Variants in TSHZ2 observed in about 807,000 individuals in gnomAD.
TSHZ2 encodes teashirt homolog 2.
A neutral mutation model predicts 74.4 loss-of-function variants in TSHZ2; 21 were observed. The ratio of observed to expected loss-of-function variants is 0.28; its 90% CI spans 0.20 to 0.41. The LOEUF is 0.41. Ranked by LOEUF, TSHZ2 falls within the 10% of genes least tolerant of loss-of-function variation. The pLI is 1.00. For synonymous variants in TSHZ2, 540 were observed against 515.3 expected, an observed-to-expected ratio of 1.05 and a Z score of -0.65; for missense variants, 1,244 against 1,293.5, an observed-to-expected ratio of 0.96 and a Z score of 0.59.
chr20:53,256,080 G>A lies in TSHZ2; in HGVS notation c.2622G>A (p.Leu874=). Residue 874 remains leucine (L), a synonymous_variant, in exon 2 of 3, where the codon CTG becomes CTA. Transcript: ENST00000371497. The surrounding 1 kb of genome is among the most constrained non-coding windows in gnomAD (Gnocchi z 4.3). ...LFQTSEGKYL[L]SDLGPQERMQ... is the part of the protein sequence containing the mutation. ...AGACATCAGAGGGCAAATACCTGCTGTCTGATCTGGGCCCACAAGAGCGTA... is the reference window on the plus strand; with the variant it reads ...AGACATCAGAGGGCAAATACCTGCTATCTGATCTGGGCCCACAAGAGCGTA... 1.2e-6 allele frequency: 2 copies of A among 1,614,156 alleles called. No homozygotes were observed. Among genetic ancestry groups the A allele is most frequent in the Non-Finnish European group, 1.7e-6 (2 of 1,180,000 alleles).
chr20:53,126,941 G>T (rs190353317), intron 1 of TSHZ2, among the ~76,000 whole-genome samples: 1 of 152,004 alleles, frequency 6.6e-6, no homozygotes, highest in South Asian at 2.1e-4. Flanking sequence ...AGGATGTTCT[G>T]TCCGTTCCAT....
At chr20:53,227,079 G>A (rs961272738) in intron 1 of TSHZ2, among the ~76,000 whole-genome samples, 4 of 151,082 alleles carry the variant, frequency 2.6e-5, no homozygotes, top group Admixed American at 6.7e-5. Flanking sequence ...ATCTCACACC[G>A]GCTTATTGAA....
intron 2 of TSHZ2, among the ~76,000 whole-genome samples, chr20:53,430,469 G>A (rs1454493776): frequency 6.6e-6 from 1 of 151,912 alleles, no homozygotes; most frequent in Non-Finnish European, 1.5e-5. Context: ...AATAGAGAGA[G>A]AATACAGGTG....
chr20:52,985,228 C>T (rs1173277008), intron 1 of TSHZ2, among the ~76,000 whole-genome samples: 1 of 152,142 alleles, frequency 6.6e-6, no homozygotes, highest in African/African-American at 2.4e-5. Context: ...TATTTCATCT[C>T]GGTGCGACCT....
At chr20:53,229,179 G>T (rs534748436) in intron 1 of TSHZ2, among the ~76,000 whole-genome samples, 11 of 152,226 alleles carry the variant, frequency 7.2e-5, no homozygotes, top group Admixed American at 1.3e-4. Context: ...GGCTATGAAA[G>T]CTCAGTAAAT....
At chr20:53,327,567 G>A (rs1463208479) in intron 2 of TSHZ2, among the ~76,000 whole-genome samples, 1 of 152,216 alleles carries the variant, frequency 6.6e-6, no homozygotes, top group Admixed American at 6.5e-5. Flanking sequence ...GATGTAACAA[G>A]GGTTATCTTC....
intron 1 of TSHZ2, among the ~76,000 whole-genome samples, chr20:53,040,599 C>T (rs977898659): frequency 2.6e-5 from 4 of 151,776 alleles, no homozygotes; most frequent in Non-Finnish European, 5.9e-5. Flanking sequence ...TCCCTGGCCA[C>T]GTGTTCTTCC....
chr20:53,283,145 TG>T (rs1224065787), intron 2 of TSHZ2, among the ~76,000 whole-genome samples: 1 of 152,200 alleles, frequency 6.6e-6, no homozygotes, highest in South Asian at 2.1e-4. Context: ...AGTAGGATCA[TG>T]GGTCCCCATG....
intron 2 of TSHZ2, among the ~76,000 whole-genome samples, chr20:53,263,641 C>T (rs1312783768): frequency 6.6e-6 from 1 of 152,176 alleles, no homozygotes; most frequent in Non-Finnish European, 1.5e-5. Flanking sequence ...AAACAAAGTA[C>T]ATCAAAGACC....
intron 2 of TSHZ2, among the ~76,000 whole-genome samples, chr20:53,376,992 C>T (rs1981680366): frequency 6.6e-6 from 1 of 152,210 alleles, no homozygotes; most frequent in Non-Finnish European, 1.5e-5. Flanking sequence ...AAATCGGTGG[C>T]CATCTCTCTT....
intron 1 of TSHZ2, among the ~76,000 whole-genome samples, chr20:52,983,123 C>T (rs899425274): frequency 9.2e-5 from 14 of 152,150 alleles, no homozygotes; most frequent in African/African-American, 2.9e-4. Flanking sequence ...GATGACATGG[C>T]GAGGCTGTGG....
At chr20:53,077,093 A>C (rs957295179) in intron 1 of TSHZ2, among the ~76,000 whole-genome samples, 9 of 152,140 alleles carry the variant, frequency 5.9e-5, no homozygotes, top group African/African-American at 2.2e-4. Flanking sequence ...CAAGTCTATG[A>C]GCTTAGCAGA....
intron 1 of TSHZ2, among the ~76,000 whole-genome samples, chr20:53,218,161 T>C (rs1266813013): frequency 6.6e-6 from 1 of 152,228 alleles, no homozygotes; most frequent in Non-Finnish European, 1.5e-5. Flanking sequence ...TGCACTAAAT[T>C]TGTTTTCTAA....
intron 1 of TSHZ2, among the ~76,000 whole-genome samples, chr20:53,003,496 T>A (rs572361835): frequency 1.6e-4 from 24 of 152,258 alleles, no homozygotes; most frequent in African/African-American, 5.8e-4. Context: ...TGTAATCTGG[T>A]AAAATGTGTC....
intron 2 of TSHZ2, among the ~76,000 whole-genome samples, chr20:53,403,956 T>C (rs1982759621): frequency 6.6e-6 from 1 of 152,062 alleles, no homozygotes; most frequent in Admixed American, 6.6e-5. Flanking sequence ...CTGGGATGAG[T>C]CTTTGAGGAA....
At chr20:53,271,807 A>G (rs1461365882) in intron 2 of TSHZ2, among the ~76,000 whole-genome samples, 1 of 152,208 alleles carries the variant, frequency 6.6e-6, no homozygotes, top group Non-Finnish European at 1.5e-5. Context: ...CAGAGAGCCC[A>G]GTTTTGGGGA....
intron 1 of TSHZ2, among the ~76,000 whole-genome samples, chr20:53,066,259 A>C (rs1324692257): frequency 3.4e-5 from 5 of 147,308 alleles, no homozygotes; most frequent in Non-Finnish European, 7.5e-5. Flanking sequence ...CCGACCCCCG[A>C]CTCCACTCGA....
intron 1 of TSHZ2, among the ~76,000 whole-genome samples, chr20:53,127,998 CT>C (rs1169429436): frequency 1.4e-5 from 2 of 142,718 alleles, no homozygotes; most frequent in Non-Finnish European, 3.0e-5. Flanking sequence ...AATGAGTGTT[CT>C]TTTTTTAATA....
At chr20:53,182,298 C>T (rs561098132) in intron 1 of TSHZ2, among the ~76,000 whole-genome samples, 1 of 151,790 alleles carries the variant, frequency 6.6e-6, no homozygotes, top group South Asian at 2.1e-4. Context: ...CTGCCTCCCT[C>T]CCTCTCTCCC....
Sources: allele counts gnomAD v4.1 joint callset (sites outside exome capture counted in the v4.1 genomes callset), GRCh38; gene constraint gnomAD v4.1.1; non-coding constraint Gnocchi (gnomAD v3.1); transcripts MANE v1.5; gene names NCBI Gene and HGNC (gene_info 2026-07-23, HGNC 2026-07-21).